The following SLC4A10 variants were observed in gnomAD, a reference collection of about 807,000 sequenced individuals.
SLC4A10 encodes the protein solute carrier family 4 member 10.
A neutral mutation model predicts 137.7 loss-of-function variants in SLC4A10; 42 were observed. That is an observed-to-expected ratio of 0.30 (90% CI 0.24 to 0.39). The LOEUF (loss-of-function observed/expected upper bound fraction) is 0.39, where lower values mean the gene tolerates loss of function less well. Among genes scored for constraint, SLC4A10 ranks in the 10% least tolerant of loss-of-function variants. The pLI is 1.00. For missense variants in SLC4A10, 925 were observed against 1,355.0 expected (o/e 0.68, Z 4.98); for synonymous variants, 474 against 464.1 (o/e 1.02, Z -0.27).
intron 11 of SLC4A10, among the ~76,000 whole-genome samples, chr2:161,896,179 C>T (rs2063480704): frequency 6.6e-6 from 1 of 151,922 alleles, no homozygotes; most frequent in Non-Finnish European, 1.5e-5. Context: ...GAATCCTTTC[C>T]CCATTGCTTG....
chr2:161,775,499 A>T, intron 2 of SLC4A10, among the ~76,000 whole-genome samples: 1 of 151,908 alleles, frequency 6.6e-6, no homozygotes, highest in Non-Finnish European at 1.5e-5. Context: ...CCCATTGACC[A>T]GGAAGTGGCA....
intron 1 of SLC4A10, among the ~76,000 whole-genome samples, chr2:161,689,606 A>G (rs1025816963): frequency 6.6e-6 from 1 of 152,176 alleles, no homozygotes; most frequent in African/African-American, 2.4e-5. Context: ...TTCTCAGAAC[A>G]TGTCCCTGTC....
intron 15 of SLC4A10, among the ~76,000 whole-genome samples, chr2:161,914,599 C>G (rs1686652003): frequency 6.6e-6 from 1 of 152,070 alleles, no homozygotes; most frequent in Non-Finnish European, 1.5e-5. Context: ...CTAATTTTAT[C>G]TCTTCCCCAA....
chr2:161,907,055 CAAAAAAAAAAA>C (rs556899761), intron 15 of SLC4A10, among the ~76,000 whole-genome samples: 4 of 90,886 alleles, frequency 4.4e-5, no homozygotes, highest in African/African-American at 1.6e-4. Flanking sequence ...GACTCCGTCT[CAAAAAAAAAAA>C]AAAAAAAAAA....
chr2:161,647,166 A>G (rs2036169487), intron 1 of SLC4A10, among the ~76,000 whole-genome samples: 1 of 152,044 alleles, frequency 6.6e-6, no homozygotes, highest in Non-Finnish European at 1.5e-5. Context: ...CCCTGATTTA[A>G]CACTGAAACT....
chr2:161,709,150 A>T (rs1229759567), intron 1 of SLC4A10, among the ~76,000 whole-genome samples: 2 of 151,512 alleles, frequency 1.3e-5, no homozygotes, highest in African/African-American at 4.8e-5. Context: ...ATTAAGCCTG[A>T]ATAGAGTCAA....
intron 1 of SLC4A10, among the ~76,000 whole-genome samples, chr2:161,694,557 G>GA (rs1237242758): frequency 2.0e-5 from 3 of 151,104 alleles, no homozygotes; most frequent in Admixed American, 6.6e-5. Context: ...GAAGTAACAG[G>GA]AAAAAAAACA....
intron 1 of SLC4A10, among the ~76,000 whole-genome samples, chr2:161,767,231 T>C (rs867337290): frequency 5.5e-4 from 55 of 99,530 alleles, no homozygotes; most frequent in Admixed American, 1.4e-3. Context: ...TATATATATA[T>C]ACACATATAT....
chr2:161,635,267 C>A (rs2034225650), intron 1 of SLC4A10, among the ~76,000 whole-genome samples: 1 of 151,956 alleles, frequency 6.6e-6, no homozygotes, highest in Non-Finnish European at 1.5e-5. Flanking sequence ...CTCAAAATTG[C>A]CCTTGTTTGA....
intron 15 of SLC4A10, among the ~76,000 whole-genome samples, chr2:161,919,250 G>A (rs1270639730): frequency 6.6e-6 from 1 of 152,114 alleles, no homozygotes; most frequent in Non-Finnish European, 1.5e-5. Flanking sequence ...GCACCCCTTA[G>A]CACGAACAGC....
chr2:161,869,672 T>A (rs1353283057), intron 6 of SLC4A10, among the ~76,000 whole-genome samples: 2 of 151,656 alleles, frequency 1.3e-5, no homozygotes, highest in Admixed American at 1.3e-4. Context: ...ACACATTTAA[T>A]GTACATTGTT....
At chr2:161,682,556 G>T (rs1165918691) in intron 1 of SLC4A10, among the ~76,000 whole-genome samples, 1 of 151,976 alleles carries the variant, frequency 6.6e-6, no homozygotes, top group African/African-American at 2.4e-5. Context: ...TTTATCTATT[G>T]CTGTATGACA....
rs75852256 is a variant in SLC4A10 at position 161,851,961 on chromosome 2, C to T, written c.417-3009C>T. On this transcript the variant is annotated intron_variant, in intron 4 of 26. Coordinates refer to ENST00000446997, the MANE Select transcript of SLC4A10 (RefSeq NM_001178015.2). ...CTAGAGTGCAGTGGCGTTATCATGG[C>T]TCACTCCAGCCTCGATCTCCTGGGC... Among the ~76,000 whole-genome samples, 1,171 of 152,262 alleles carry T rather than the reference C, an allele frequency of 7.7e-3. 58 individuals carry two copies. In the East Asian group the frequency reaches 0.13, roughly 17 times the overall value.
At chr2:161,722,437 C>T (rs959420085) in intron 1 of SLC4A10, among the ~76,000 whole-genome samples, 19 of 152,150 alleles carry the variant, frequency 1.2e-4, no homozygotes, top group Admixed American at 8.5e-4. Flanking sequence ...ACAGTTAGGC[C>T]TCTCTTCCAC....
At chr2:161,699,684 G>T (rs1258973240) in intron 1 of SLC4A10, among the ~76,000 whole-genome samples, 3 of 152,104 alleles carry the variant, frequency 2.0e-5, no homozygotes, top group African/African-American at 7.2e-5. Flanking sequence ...TAAAATTGAG[G>T]ATTAAAGGGC....
At chr2:161,881,871 A>T (rs925853272) in intron 9 of SLC4A10, among the ~76,000 whole-genome samples, 1 of 152,038 alleles carries the variant, frequency 6.6e-6, no homozygotes, top group Admixed American at 6.6e-5. Context: ...CCTGACAATA[A>T]TTTTTTATAA....
chr2:161,673,792 C>A (rs138586865), intron 1 of SLC4A10, among the ~76,000 whole-genome samples: 1 of 152,130 alleles, frequency 6.6e-6, no homozygotes. Context: ...GAGTTCAAGA[C>A]CAGCCTGGCT....
intron 1 of SLC4A10, among the ~76,000 whole-genome samples, chr2:161,697,314 C>A (rs913859920): frequency 3.9e-5 from 6 of 152,174 alleles, no homozygotes; most frequent in African/African-American, 1.4e-4. Context: ...GTTTAATTGG[C>A]TCCCATTTGT....
At chr2:161,673,731 TG>T (rs2039985111) in intron 1 of SLC4A10, among the ~76,000 whole-genome samples, 1 of 152,218 alleles carries the variant, frequency 6.6e-6, no homozygotes, top group African/African-American at 2.4e-5. Context: ...GGCTTTCACT[TG>T]TAGTTCCAGC....
Sources: gnomAD v4.1 joint callset for allele counts (sites outside exome capture counted in the v4.1 genomes callset) on GRCh38, gnomAD v4.1.1 for gene constraint, MANE v1.5 for transcripts, NCBI Gene and HGNC (gene_info 2026-07-23, HGNC 2026-07-21) for gene names.